TENM1: variants seen among roughly 807,000 people sequenced by gnomAD.
TENM1 encodes teneurin transmembrane protein 1, also known as teneurin-1.
In TENM1, 35 loss-of-function variants were observed where a neutral mutation model predicts 174.8. The observed-to-expected ratio is 0.20, with a 90% CI of 0.15 to 0.27. The LOEUF is 0.27. Ranked by LOEUF, TENM1 falls within the 10% of genes least tolerant of loss-of-function variation. The probability of loss-of-function intolerance (pLI) is 1.00; values close to 1 mark genes in which losing one functional copy is unlikely to be tolerated. For synonymous variants in TENM1, 781 were observed against 798.7 expected (o/e 0.98, Z 0.37); for missense variants, 1,633 against 2,130.1 (o/e 0.77, Z 4.59).
At chrX:124,530,812 A>T (rs2048088228) in intron 15 of TENM1, among the ~76,000 whole-genome samples, 1 of 112,458 alleles carries the variant, frequency 8.9e-6, no homozygotes, top group Non-Finnish European at 1.9e-5. Flanking sequence ...ATGGAATTCC[A>T]TTAAACTAGT....
chrX:124,842,312 T>C (rs2056519210), intron 3 of TENM1, among the ~76,000 whole-genome samples: 1 of 111,826 alleles, frequency 8.9e-6, no homozygotes, highest in Non-Finnish European at 1.9e-5. Context: ...CTCTGCTAAA[T>C]GACAGGAGAA....
intron 11 of TENM1, among the ~76,000 whole-genome samples, chrX:124,634,415 C>T (rs902357412): frequency 3.6e-5 from 4 of 111,336 alleles, no homozygotes; most frequent in African/African-American, 9.8e-5. Flanking sequence ...TCGTAGGTTC[C>T]TAATATGGTG....
At chrX:125,173,825 A>G in the TENM1 span, among the ~76,000 whole-genome samples, 7,450 of 111,752 alleles carry the variant, frequency 0.067, 622 homozygotes, top group African/African-American at 0.23. Flanking sequence ...CTGCACCTCA[A>G]TCACAAAACC....
intron 1 of TENM1, among the ~76,000 whole-genome samples, chrX:124,897,469 AGTACTGGAT>A (rs2057582348): frequency 9.0e-6 from 1 of 111,688 alleles, no homozygotes; most frequent in Admixed American, 9.6e-5. Flanking sequence ...GAATACAGAA[AGTACTGGAT>A]TTTAGACCAT....
intron 3 of TENM1, among the ~76,000 whole-genome samples, chrX:124,748,529 C>T (rs749367228): frequency 8.1e-5 from 9 of 110,992 alleles, no homozygotes; most frequent in East Asian, 5.7e-4. Context: ...TTAACCTAAA[C>T]GTTTAGGGAA....
chrX:125,107,661 A>G, the TENM1 span, among the ~76,000 whole-genome samples: 1 of 111,804 alleles, frequency 8.9e-6, no homozygotes, highest in Non-Finnish European at 1.9e-5. Context: ...CACTATGCAC[A>G]AGGCTCTTTG....
intron 21 of TENM1, among the ~76,000 whole-genome samples, chrX:124,483,683 G>A (rs776704631): frequency 1.8e-5 from 2 of 111,980 alleles, no homozygotes; most frequent in Non-Finnish European, 3.8e-5. Flanking sequence ...TTTATTAAGT[G>A]CATACAATGT....
intron 11 of TENM1, among the ~76,000 whole-genome samples, chrX:124,584,497 T>C (rs2049433259): frequency 9.7e-6 from 1 of 103,484 alleles, no homozygotes; most frequent in Non-Finnish European, 2.0e-5. Context: ...AGAGATTTTG[T>C]CACCACCAGG....
intron 23 of TENM1, among the ~76,000 whole-genome samples, chrX:124,423,069 C>T (rs929754068): frequency 2.7e-5 from 3 of 112,014 alleles, no homozygotes; most frequent in Middle Eastern, 4.6e-3. Flanking sequence ...GTAGGAATTC[C>T]GGTAGCTATG....
At chrX:124,391,010 C>G (rs754451889) in intron 28 of TENM1, among the ~76,000 whole-genome samples, 1 of 112,239 alleles carries the variant, frequency 8.9e-6, no homozygotes, top group South Asian at 3.7e-4. Context: ...CATCTCCAGG[C>G]ATTTCCAACT....
chrX:124,850,437 T>C (rs192027646), intron 3 of TENM1, among the ~76,000 whole-genome samples: 143 of 111,403 alleles, frequency 1.3e-3, no homozygotes, highest in Middle Eastern at 4.6e-3. Flanking sequence ...TATGAGAAGA[T>C]TGGTGACTTT....
the TENM1 span, among the ~76,000 whole-genome samples, chrX:125,196,421 C>T: frequency 9.0e-6 from 1 of 111,437 alleles, no homozygotes; most frequent in Non-Finnish European, 1.9e-5. Flanking sequence ...GTGTCAGCCC[C>T]ACACACATAA....
intron 3 of TENM1, among the ~76,000 whole-genome samples, chrX:124,780,633 T>C (rs966185384): frequency 3.8e-4 from 43 of 111,788 alleles, no homozygotes; most frequent in African/African-American, 1.4e-3. Flanking sequence ...AAAATCATTA[T>C]TTCACTACCT....
the TENM1 span, among the ~76,000 whole-genome samples, chrX:125,158,875 C>G: frequency 9.1e-6 from 1 of 110,357 alleles, no homozygotes; most frequent in Non-Finnish European, 1.9e-5. Flanking sequence ...AAACATCCAA[C>G]ATAATATTGA....
At chrX:125,082,094 C>T in the TENM1 span, among the ~76,000 whole-genome samples, 1 of 110,625 alleles carries the variant, frequency 9.0e-6, no homozygotes, top group Admixed American at 9.7e-5. Flanking sequence ...TTGACCACTA[C>T]ATAATCTATG....
At chrX:125,193,639 TG>T in the TENM1 span, among the ~76,000 whole-genome samples, 23 of 111,536 alleles carry the variant, frequency 2.1e-4, no homozygotes, top group African/African-American at 7.2e-4. Flanking sequence ...GTATCTATGG[TG>T]GGGGGTACTG....
chrX:124,760,250 C>T (rs867313194), intron 3 of TENM1, among the ~76,000 whole-genome samples: 1 of 111,397 alleles, frequency 9.0e-6, no homozygotes, highest in Non-Finnish European at 1.9e-5. Context: ...TATGTGTCCG[C>T]AAGCCTCATC....
rs1190475494 is a variant in TENM1, at chrX:124,554,092, G to A, written c.2435-7002C>T. ...CCACTGCACTCAAGTCTGGGTGACA[G>A]AGCGAGACTCCATCCTCCCCCCCAA... On this transcript the variant is annotated intron_variant, in intron 14 of 31. Coordinates refer to ENST00000422452, the Ensembl canonical transcript of TENM1. 3.6e-5 allele frequency among the ~76,000 whole-genome samples: 4 copies of A among 111,438 alleles called. No individual in the cohort carries two copies. In the East Asian group the frequency reaches 8.4e-4, roughly 24 times the overall value.
At chrX:125,114,287 T>G in the TENM1 span, among the ~76,000 whole-genome samples, 1 of 111,667 alleles carries the variant, frequency 9.0e-6, no homozygotes, top group Non-Finnish European at 1.9e-5. Context: ...TTTACAGCAC[T>G]AAATGCCCAC....
Sources: allele counts gnomAD v4.1 joint callset (sites outside exome capture counted in the v4.1 genomes callset), GRCh38; gene constraint gnomAD v4.1.1; transcripts MANE v1.5; gene names NCBI Gene and HGNC (gene_info 2026-07-23, HGNC 2026-07-21).